The following KDM2A variants were observed in gnomAD, a reference collection of about 807,000 sequenced individuals.
KDM2A encodes the protein lysine-specific demethylase 2A.
Under a neutral mutation model 137.3 loss-of-function variants are expected in KDM2A, and 3 were observed. The observed-to-expected ratio is 0.02, with a 90% CI of 0.01 to 0.06. KDM2A has a LOEUF of 0.06. Among genes scored for constraint, KDM2A ranks in the 10% least tolerant of loss-of-function variants. The pLI is 1.00. For missense variants in KDM2A, 738 were observed against 1,510.6 expected (o/e 0.49, Z 8.48); for synonymous variants, 512 against 541.5 (o/e 0.95, Z 0.76).
chr11:67,186,981 T>G (rs1288430654), intron 5 of KDM2A, among the ~76,000 whole-genome samples: 1 of 152,106 alleles, frequency 6.6e-6, no homozygotes, highest in Non-Finnish European at 1.5e-5. Context: ...GCACAGTATA[T>G]AAGGATGTGG....
chr11:67,254,909 C>T lies in KDM2A; in HGVS notation c.3343C>T (p.Leu1115=). The change falls in exon 21 of 21, where the codon CTA becomes TTA. Residue 1115 remains leucine (L), a synonymous_variant. Transcript: ENST00000529006. This position sits in a 1 kb window ranked among gnomAD's most constrained non-coding sequence, Gnocchi z 4.7. ...NKLTDQTLIY[L]RRIANVTLID... ...ATTGACAGACCAGACCCTGATCTACCTACGGCGCATTGCCAACGTCACCTT... is the reference window on the plus strand; with the variant it reads ...ATTGACAGACCAGACCCTGATCTACTTACGGCGCATTGCCAACGTCACCTT... 1.9e-6 allele frequency: 3 copies of T among 1,614,012 alleles called. No individual in the cohort carries two copies. Among genetic ancestry groups the T allele is most frequent in the African/African-American group, 1.3e-5 (1 of 75,050 alleles).
chr11:67,237,629 G>T (rs777919096), intron 12 of KDM2A, among the ~76,000 whole-genome samples: 1 of 151,876 alleles, frequency 6.6e-6, no homozygotes, highest in Non-Finnish European at 1.5e-5. Flanking sequence ...TTTGTCCTGG[G>T]TCCAGGCTTA....
At chr11:67,192,433 C>CTTTTTTTTTTTTTTTTT (rs921321640) in intron 5 of KDM2A, among the ~76,000 whole-genome samples, 3 of 70,534 alleles carry the variant, frequency 4.3e-5, no homozygotes, top group Non-Finnish European at 5.7e-5. Context: ...GTTTCCATTT[C>CTTTTTTTTTTTTTTTTT]TTTTTTTTTT....
rs142075862 is a variant in KDM2A, at chr11:67,201,218, A to ATATATGTGTG, written c.308-6291_308-6290insATATGTGTGT. Among the ~76,000 whole-genome samples, 5 of 145,536 alleles carry ATATATGTGTG rather than the reference A, an allele frequency of 3.4e-5. No homozygotes were observed. In the East Asian group the frequency reaches 6.1e-4, roughly 18 times the overall value. On this transcript the variant is annotated intron_variant, in intron 5 of 20. Coordinates refer to ENST00000529006, the MANE Select transcript of KDM2A (RefSeq NM_012308.3). The stretch of plus-strand genomic sequence containing the variant: ...CAAAAAAAAAAATATATATATATAT[A>ATATATGTGTG]TGTGTGTGTGTGTGTGTATATATAT...
In KDM2A at chr11:67,252,856, A is replaced by C. The variant is rs1242910819; in HGVS notation, c.2931A>C (p.Pro977=). ...KQLTWLVNRL[P]GLKDLLLAGC... is the part of the protein sequence containing the mutation. The stretch of plus-strand genomic sequence containing the variant: ...TGACATGGCTCGTCAATAGGCTGCC[A>C]GGTAAGTGAGCAGCCCTGCCGCTGT... Residue 977 remains proline, a splice_region_variant and synonymous_variant, in exon 18 of 21, where the codon CCA becomes CCC. Transcript: ENST00000529006. The C allele has an allele frequency of 6.2e-7, 1 of 1,602,640 alleles. No individual in the cohort carries two copies. Among genetic ancestry groups the C allele is most frequent in the African/African-American group, 1.3e-5 (1 of 74,786 alleles).
intron 2 of KDM2A, among the ~76,000 whole-genome samples, chr11:67,159,895 A>G (rs909566923): frequency 1.3e-5 from 2 of 152,186 alleles, no homozygotes; most frequent in Admixed American, 1.3e-4. Flanking sequence ...GTGAATACAG[A>G]GTTGTAGTAT....
chr11:67,249,971 C>CA, intron 16 of KDM2A, 115 bp from the exon 17 acceptor site: 1 of 699,220 alleles, frequency 1.4e-6, no homozygotes, highest in Non-Finnish European at 2.0e-6. Flanking sequence ...ACCCCCTCTC[C>CA]AACGTGACCT....
chr11:67,134,130 G>A (rs923623319), intron 2 of KDM2A, among the ~76,000 whole-genome samples: 1 of 152,204 alleles, frequency 6.6e-6, no homozygotes, highest in Non-Finnish European at 1.5e-5. Flanking sequence ...AGGAAGACTG[G>A]GGGAAAGATT....
intron 12 of KDM2A, chr11:67,240,394 T>C: frequency 1.3e-6 from 2 of 1,527,470 alleles, no homozygotes; most frequent in Non-Finnish European, 1.8e-6. Context: ...CGGCAAACCC[T>C]TTCTGGTTTG....
At chr11:67,139,880 G>A (rs1235999775) in intron 2 of KDM2A, among the ~76,000 whole-genome samples, 1 of 151,752 alleles carries the variant, frequency 6.6e-6, no homozygotes, top group African/African-American at 2.4e-5. Context: ...GGCTATTTTT[G>A]TATTTTTTTA....
At chr11:67,205,407 G>A (rs1263619537) in intron 5 of KDM2A, among the ~76,000 whole-genome samples, 1 of 151,984 alleles carries the variant, frequency 6.6e-6, no homozygotes, top group Non-Finnish European at 1.5e-5. Context: ...ATTCCTTAGA[G>A]ACAGGGTATC....
At chr11:67,154,579 C>T (rs1242335008) in intron 2 of KDM2A, among the ~76,000 whole-genome samples, 2 of 152,048 alleles carry the variant, frequency 1.3e-5, no homozygotes, top group Admixed American at 1.3e-4. Context: ...ATTATAGGCA[C>T]CTGTCACACA....
At chr11:67,207,424 TTTC>T in intron 5 of KDM2A, 83 bp from the exon 6 acceptor site, 1 of 1,069,088 alleles carries the variant, frequency 9.4e-7, no homozygotes, top group Non-Finnish European at 1.3e-6. Flanking sequence ...GACAGTATTT[TTTC>T]TTCTACTTTT....
chr11:67,245,194 A>G lies in KDM2A; in HGVS notation c.1569A>G (p.Lys523=), dbSNP rs747834472. 82 of 1,612,554 alleles carry G rather than the reference A, an allele frequency of 5.1e-5. No homozygotes were observed. Among genetic ancestry groups the G allele is most frequent in the Non-Finnish European group, 6.6e-5 (78 of 1,178,898 alleles). Residue 523 remains lysine (K), a synonymous_variant, in exon 14 of 21, where the codon AAA becomes AAG. Coordinates refer to ENST00000529006, the MANE Select transcript of KDM2A (RefSeq NM_012308.3). This position sits in a 1 kb window ranked among gnomAD's most constrained non-coding sequence, Gnocchi z 4.1. The part of the protein sequence containing the change: ...IVQWPKRDKL[K]FPTRPKVRVP... ...TCACTGCTTTCTCTTTCCAGCTTAAATTCCCCACTCGGCCAAAGGTGCGGG... is the reference window on the plus strand; with the variant it reads ...TCACTGCTTTCTCTTTCCAGCTTAAGTTCCCCACTCGGCCAAAGGTGCGGG...
At chr11:67,161,785 C>T (rs1856644763) in intron 2 of KDM2A, among the ~76,000 whole-genome samples, 1 of 152,108 alleles carries the variant, frequency 6.6e-6, no homozygotes, top group African/African-American at 2.4e-5. Context: ...CTCTCATTCT[C>T]TAATAAGTGT....
intron 2 of KDM2A, among the ~76,000 whole-genome samples, chr11:67,176,242 A>C (rs1015795100): frequency 1.3e-5 from 2 of 151,974 alleles, no homozygotes; most frequent in African/African-American, 2.4e-5. Flanking sequence ...AGTCAAGTTT[A>C]TTTCTTTCAT....
At chr11:67,121,777 C>T (rs1201473982) in intron 2 of KDM2A, among the ~76,000 whole-genome samples, 1 of 152,150 alleles carries the variant, frequency 6.6e-6, no homozygotes, top group Non-Finnish European at 1.5e-5. Flanking sequence ...GGATTTGTGA[C>T]TTTGAGCGGG....
In KDM2A at chr11:67,227,896, A is replaced by G. The variant is rs1191139667; in HGVS notation, c.958-141A>G. ...GTTTTCTAAGTTGATGGTTCTGCTT[A>G]AGTTTTTGCTTCAGATGCCAAGCTG... is the stretch of plus-strand genomic sequence containing the variant. On this transcript the variant is annotated intron_variant, in intron 10 of 20. Transcript: ENST00000529006. 10 of 800,634 alleles carry G rather than the reference A, an allele frequency of 1.2e-5. No homozygotes were observed. The East Asian group carries it at 2.5e-4, about 20-fold the overall frequency. 49.6% of individuals were successfully genotyped at this position (800,634 alleles called of 1,614,324 possible). A position where few individuals can be genotyped will look rare whatever the true frequency, so the allele number is the denominator to read the frequency against.
intron 2 of KDM2A, among the ~76,000 whole-genome samples, chr11:67,152,905 AGTGTGTGTGTGT>A (rs146532672): frequency 0.66 from 93,405 of 142,580 alleles, 34,948 homozygotes; most frequent in Non-Finnish European, 0.85. Context: ...ACAGTGCCAG[AGTGTGTGTGTGT>A]GTGTGTGTGT....
Sources: gnomAD v4.1 joint callset for allele counts (sites outside exome capture counted in the v4.1 genomes callset) on GRCh38, gnomAD v4.1.1 for gene constraint, Gnocchi (gnomAD v3.1) non-coding constraint, MANE v1.5 for transcripts, NCBI Gene and HGNC (gene_info 2026-07-23, HGNC 2026-07-21) for gene names.